The following ANKS1B variants were observed in gnomAD, a reference collection of about 807,000 sequenced individuals.
The protein encoded by ANKS1B is ankyrin repeat and sterile alpha motif domain-containing protein 1B.
A neutral mutation model predicts 148.3 loss-of-function variants in ANKS1B; 36 were observed. The observed-to-expected ratio is 0.24, with a 90% CI of 0.19 to 0.32. ANKS1B has a LOEUF of 0.32. Among genes scored for constraint, ANKS1B ranks in the 10% least tolerant of loss-of-function variants. ANKS1B has a pLI of 1.00. For synonymous variants in ANKS1B, 542 were observed against 560.8 expected (o/e 0.97, Z 0.47); for missense variants, 1,157 against 1,542.6 (o/e 0.75, Z 4.19).
At chr12:99,468,854 A>C (rs989427428) in intron 10 of ANKS1B, among the ~76,000 whole-genome samples, 75 of 152,276 alleles carry the variant, frequency 4.9e-4, no homozygotes, top group African/African-American at 1.5e-3. Flanking sequence ...ACTGCAAACT[A>C]GTTCAACCAT....
chr12:99,802,953 ACT>A (rs1316726427), intron 4 of ANKS1B, among the ~76,000 whole-genome samples: 49 of 151,888 alleles, frequency 3.2e-4, no homozygotes, highest in Non-Finnish European at 6.0e-4. Context: ...ATCACATGTA[ACT>A]ACTAGGAAAA....
intron 8 of ANKS1B, among the ~76,000 whole-genome samples, chr12:99,688,914 A>G (rs895289284): frequency 3.3e-5 from 5 of 152,138 alleles, no homozygotes; most frequent in African/African-American, 9.7e-5. Flanking sequence ...GCAAGTTACA[A>G]AAGTTGTGAA....
chr12:99,188,646 T>C (rs992500930), intron 14 of ANKS1B, among the ~76,000 whole-genome samples: 1 of 152,018 alleles, frequency 6.6e-6, no homozygotes, highest in African/African-American at 2.4e-5. Flanking sequence ...TTTGAAACCA[T>C]TGAGAACAAA....
Position 99,984,531 on chromosome 12 carries a change from G to C in ANKS1B, c.-294C>G. Reference sequence around the variant, plus strand: ...GAATTCCCAAGGCCTCGTTCCCGCGGGTGCGGCGTGAGGGGGTGGGGACTC... The same window carrying C: ...GAATTCCCAAGGCCTCGTTCCCGCGCGTGCGGCGTGAGGGGGTGGGGACTC... On this transcript the variant is annotated 5_prime_UTR_variant, in exon 1 of 27. Transcript: ENST00000683438. 3.1e-6 allele frequency: 1 copy of C among 320,720 alleles called. No individual in the cohort carries two copies. The allele number at this position is 320,720 out of a possible 1,614,324, so 19.9% of individuals were successfully genotyped here.
At chr12:98,794,319 G>A (rs1463230033) in intron 22 of ANKS1B, among the ~76,000 whole-genome samples, 1 of 143,130 alleles carries the variant, frequency 7.0e-6, no homozygotes, top group African/African-American at 2.5e-5. Context: ...TTGAACCCAG[G>A]AGGTGGAGGT....
At chr12:99,361,257 G>T (rs1402568639) in intron 12 of ANKS1B, among the ~76,000 whole-genome samples, 1 of 151,578 alleles carries the variant, frequency 6.6e-6, no homozygotes, top group African/African-American at 2.4e-5. Context: ...TACCTACTAT[G>T]TAACCACAAA....
chr12:99,781,916 G>A, intron 5 of ANKS1B, 106 bp downstream of exon 5: 1 of 941,282 alleles, frequency 1.1e-6, no homozygotes, highest in Non-Finnish European at 1.6e-6. Flanking sequence ...TAGAGTAAAG[G>A]CAAGAGGGTG....
At chr12:99,816,791 T>G (rs2069233751) in intron 2 of ANKS1B, among the ~76,000 whole-genome samples, 1 of 151,692 alleles carries the variant, frequency 6.6e-6, no homozygotes, top group African/African-American at 2.4e-5. Context: ...TAATATGAAC[T>G]AAATAGGCCA....
intron 2 of ANKS1B, among the ~76,000 whole-genome samples, chr12:99,812,566 G>GAA (rs2153667897): frequency 9.3e-6 from 1 of 107,372 alleles, no homozygotes; most frequent in Non-Finnish European, 2.0e-5. Flanking sequence ...CACAGAGAGA[G>GAA]AGAGAGAGAG....
At chr12:99,138,273 A>G (rs1007565983) in intron 15 of ANKS1B, among the ~76,000 whole-genome samples, 1 of 152,192 alleles carries the variant, frequency 6.6e-6, no homozygotes, top group African/African-American at 2.4e-5. Flanking sequence ...AGAACACAGA[A>G]TATCTTTTAA....
intron 9 of ANKS1B, among the ~76,000 whole-genome samples, chr12:99,579,530 T>C (rs1180794392): frequency 6.6e-6 from 1 of 151,868 alleles, no homozygotes; most frequent in African/African-American, 2.4e-5. Context: ...CATTAAAAAG[T>C]GGGTAAAGGA....
chr12:99,603,052 CA>C (rs2097818744), intron 9 of ANKS1B, among the ~76,000 whole-genome samples: 1 of 151,870 alleles, frequency 6.6e-6, no homozygotes, highest in African/African-American at 2.4e-5. Context: ...ATTTATTGAC[CA>C]TTTTCTTTGA....
chr12:99,000,022 C>T (rs1233339595), intron 17 of ANKS1B, among the ~76,000 whole-genome samples: 1 of 151,978 alleles, frequency 6.6e-6, no homozygotes, highest in Admixed American at 6.6e-5. Flanking sequence ...GAATAAAGCC[C>T]AATCCCTCTT....
chr12:99,555,235 C>A (rs934277374), intron 9 of ANKS1B, among the ~76,000 whole-genome samples: 2 of 152,234 alleles, frequency 1.3e-5, no homozygotes, highest in East Asian at 1.9e-4. Flanking sequence ...AATTGCCCAA[C>A]TACCGTCCAC....
chr12:98,877,480 T>A (rs1024746775), intron 17 of ANKS1B, among the ~76,000 whole-genome samples: 2 of 152,216 alleles, frequency 1.3e-5, no homozygotes, highest in African/African-American at 4.8e-5. Context: ...AAGTGAAAAC[T>A]AACGGCGGAA....
intron 17 of ANKS1B, among the ~76,000 whole-genome samples, chr12:99,037,613 A>G (rs1458867454): frequency 6.6e-6 from 1 of 152,242 alleles, no homozygotes; most frequent in East Asian, 1.9e-4. Flanking sequence ...GCCTTAATGA[A>G]AAATAAGCTA....
At chr12:99,382,247 A>G (rs529979585) in intron 12 of ANKS1B, among the ~76,000 whole-genome samples, 3 of 152,318 alleles carry the variant, frequency 2.0e-5, no homozygotes, top group African/African-American at 7.2e-5. Context: ...TCAGGTGCCC[A>G]CATGTCCAAT....
In ANKS1B at chr12:98,999,870, G is replaced by A. The variant is rs115923712; in HGVS notation, c.2778+53287C>T. Among the ~76,000 whole-genome samples the A allele has an allele frequency of 2.8e-3, 419 of 152,240 alleles. 2 individuals carry two copies. Among genetic ancestry groups the A allele is most frequent in the African/African-American group, 9.0e-3 (374 of 41,544 alleles). On this transcript the variant is annotated intron_variant, in intron 17 of 26. Transcript: ENST00000683438. ...ACAACTGCTTCTCCTAACAATTCTC[G>A]TTTCATTCTCTTCTCCCACAGTGTG... is the stretch of plus-strand genomic sequence containing the variant.
intron 12 of ANKS1B, among the ~76,000 whole-genome samples, chr12:99,311,141 T>G (rs2083102261): frequency 6.6e-6 from 1 of 152,206 alleles, no homozygotes; most frequent in South Asian, 2.1e-4. Flanking sequence ...ATTACAAATT[T>G]CACCATTTCT....
Sources: allele counts gnomAD v4.1 joint callset (sites outside exome capture counted in the v4.1 genomes callset), GRCh38; gene constraint gnomAD v4.1.1; transcripts MANE v1.5; gene names NCBI Gene and HGNC (gene_info 2026-07-23, HGNC 2026-07-21).